SCOC: variants seen among roughly 807,000 people sequenced by gnomAD.
SCOC encodes short coiled coil protein.
Under a neutral mutation model 9.9 loss-of-function variants are expected in SCOC, and 7 were observed. The observed-to-expected ratio is 0.71, with a 90% confidence interval of 0.40 to 1.33. The LOEUF (loss-of-function observed/expected upper bound fraction) is 1.33, where lower values mean the gene tolerates loss of function less well. Ranked by LOEUF, SCOC falls within the 40% of genes most tolerant of loss-of-function variation. The probability of loss-of-function intolerance (pLI) is 0.01; values close to 1 mark genes in which losing one functional copy is unlikely to be tolerated. For missense variants in SCOC, 66 were observed against 89.7 expected (o/e 0.74, Z 1.07); for synonymous variants, 19 against 28.2 (o/e 0.67, Z 1.03).
chr4:140,322,916 C>G (rs771621983), intron 1 of SCOC, among the ~76,000 whole-genome samples: 14 of 152,092 alleles, frequency 9.2e-5, no homozygotes, highest in Non-Finnish European at 1.8e-4. Context: ...TAGAGGCCGC[C>G]ATGCCCACCA....
At chr4:140,286,636 C>T (rs1210449339) in intron 1 of SCOC, among the ~76,000 whole-genome samples, 1 of 152,208 alleles carries the variant, frequency 6.6e-6, no homozygotes, top group Admixed American at 6.5e-5. Context: ...CAGCCGTGTG[C>T]CCGCGCCGTT....
At chr4:140,370,829 G>A (rs1056680065), upstream of SCOC, among the ~76,000 whole-genome samples, 1 of 151,710 alleles carries the variant, frequency 6.6e-6, no homozygotes, top group Non-Finnish European at 1.5e-5. Flanking sequence ...TCTGTAAGTG[G>A]CCTACTTACG....
At chr4:140,263,638 G>A (rs1019766982) in intron 1 of SCOC, among the ~76,000 whole-genome samples, 3 of 152,146 alleles carry the variant, frequency 2.0e-5, no homozygotes, top group Non-Finnish European at 4.4e-5. Flanking sequence ...AAAGATTAGC[G>A]AGGCTCAAAT....
At chr4:140,281,504 T>C (rs1179658385) in intron 1 of SCOC, among the ~76,000 whole-genome samples, 2 of 152,236 alleles carry the variant, frequency 1.3e-5, no homozygotes, top group African/African-American at 4.8e-5. Context: ...ACTCATGGCT[T>C]ACATTTTTGG....
chr4:140,258,773 T>C (rs1048698899), intron 1 of SCOC, among the ~76,000 whole-genome samples: 1 of 152,224 alleles, frequency 6.6e-6, no homozygotes. Context: ...CCAAATCCAG[T>C]GTAGAAACTA....
At chr4:140,337,214 T>A (rs937383820) in intron 1 of SCOC, among the ~76,000 whole-genome samples, 5 of 152,220 alleles carry the variant, frequency 3.3e-5, no homozygotes, top group African/African-American at 9.6e-5. Flanking sequence ...CGATAATGTC[T>A]TTTGATGCAC....
intron 1 of SCOC, chr4:140,284,786 A>AAAAAAG (rs1731184036): frequency 1.3e-5 from 2 of 153,198 alleles, no homozygotes; most frequent in Admixed American, 1.3e-4. Flanking sequence ...AAAAAAAAAA[A>AAAAAAG]AAAAAAGATT....
chr4:140,354,628 G>C (rs1364721424), intron 2 of SCOC, among the ~76,000 whole-genome samples: 1 of 142,540 alleles, frequency 7.0e-6, no homozygotes, highest in African/African-American at 2.6e-5. Flanking sequence ...GTAATCATTT[G>C]ACTGTGAAAG....
intron 1 of SCOC, among the ~76,000 whole-genome samples, chr4:140,286,899 G>C (rs1181587696): frequency 6.6e-6 from 1 of 152,078 alleles, no homozygotes; most frequent in African/African-American, 2.4e-5. Context: ...AGAGATACTA[G>C]CTGTTCCCCC....
intron 1 of SCOC, among the ~76,000 whole-genome samples, chr4:140,305,165 C>A (rs540851456): frequency 1.1e-4 from 16 of 152,268 alleles, no homozygotes; most frequent in Middle Eastern, 3.4e-3. Context: ...TAATGACTGA[C>A]CAAACCCTGT....
Position 140,381,159 on chromosome 4 carries a change from AC to A in SCOC, c.*56del. On this transcript the variant is annotated 3_prime_UTR_variant, in exon 4 of 4. Transcript: ENST00000608372. ...TGCTGCTGATCATTTTTTCTTTAAAACTTGGATAGATTCCAAAAGTTACAGT... is the reference window on the plus strand; with the variant it reads ...TGCTGCTGATCATTTTTTCTTTAAAATTGGATAGATTCCAAAAGTTACAGT... The A allele has an allele frequency of 6.6e-7, 1 of 1,520,812 alleles. No individual in the cohort carries two copies. The highest frequency in any genetic ancestry group is 8.8e-7 in the Non-Finnish European group (1 of 1,137,482). 94.2% of individuals were successfully genotyped at this position (1,520,812 alleles called of 1,614,324 possible).
Position 140,373,731 on chromosome 4 carries a change from C to T in SCOC, c.-51+14C>T. ...CTCAAGCGGAAGGTGAGGGCCGTCCCGGGCAGCGGAGGGCCTGGCCCCAGG... is the reference window on the plus strand; with the variant it reads ...CTCAAGCGGAAGGTGAGGGCCGTCCTGGGCAGCGGAGGGCCTGGCCCCAGG... On this transcript the variant is annotated intron_variant, in intron 1 of 3. Transcript: ENST00000608372. The T allele has an allele frequency of 6.5e-7, 1 of 1,543,400 alleles. No homozygotes were observed. The highest frequency in any genetic ancestry group is 2.0e-5 in the Admixed American group (1 of 50,952).
At chr4:140,318,416 G>A (rs1225215335) in intron 1 of SCOC, among the ~76,000 whole-genome samples, 6 of 107,226 alleles carry the variant, frequency 5.6e-5, no homozygotes, top group South Asian at 7.3e-4. Context: ...AAAAGTGGGC[G>A]AGGGACATGA....
At chr4:140,310,113 G>A (rs1311620545) in intron 1 of SCOC, among the ~76,000 whole-genome samples, 1 of 152,090 alleles carries the variant, frequency 6.6e-6, no homozygotes, top group African/African-American at 2.4e-5. Context: ...CCTAAAATAT[G>A]GTGAAGGAGA....
At chr4:140,258,445 G>A (rs56946299) in intron 1 of SCOC, among the ~76,000 whole-genome samples, 5,053 of 152,092 alleles carry the variant, frequency 0.033, 107 homozygotes, top group Middle Eastern at 0.058. Flanking sequence ...TTGATTAAGG[G>A]TTACCCTAAG....
At chr4:140,273,201 G>A (rs996192497) in intron 1 of SCOC, among the ~76,000 whole-genome samples, 5 of 152,168 alleles carry the variant, frequency 3.3e-5, no homozygotes, top group Non-Finnish European at 7.4e-5. Context: ...AAAGATCTTG[G>A]AAAAGATGAA....
At chr4:140,369,416 T>C (rs1038569899), upstream of SCOC, 1 of 303,264 alleles carries the variant, frequency 3.3e-6, no homozygotes, top group South Asian at 2.5e-5. Flanking sequence ...AGATGGAACA[T>C]GTTCTGCAAA....
chr4:140,272,242 A>G (rs1730863269), intron 1 of SCOC, among the ~76,000 whole-genome samples: 1 of 146,166 alleles, frequency 6.8e-6, no homozygotes, highest in South Asian at 2.1e-4. Flanking sequence ...TTTTTTATAG[A>G]CCAGGTCTTA....
intron 2 of SCOC, among the ~76,000 whole-genome samples, chr4:140,363,837 G>T (rs1472686834): frequency 6.6e-6 from 1 of 152,124 alleles, no homozygotes; most frequent in Non-Finnish European, 1.5e-5. Flanking sequence ...TTTTTTCATT[G>T]TGTTTAGTGC....
Sources: allele counts gnomAD v4.1 joint callset (sites outside exome capture counted in the v4.1 genomes callset), GRCh38; gene constraint gnomAD v4.1.1; transcripts MANE v1.5; gene names NCBI Gene and HGNC (gene_info 2026-07-23, HGNC 2026-07-21).